Variants in PTP4A1 observed in about 807,000 individuals in gnomAD.
PTP4A1 encodes the protein protein tyrosine phosphatase 4A1.
In PTP4A1, 9 loss-of-function variants were observed where a neutral mutation model predicts 20.5. The ratio of observed to expected loss-of-function variants is 0.44; its 90% CI spans 0.26 to 0.77. PTP4A1 has a LOEUF of 0.77. Among genes scored for constraint, PTP4A1 ranks in the 30% least tolerant of loss-of-function variants. The pLI is 0.19. For synonymous variants in PTP4A1, 78 were observed against 67.4 expected (o/e 1.16, Z -0.77); for missense variants, 137 against 218.8 (o/e 0.63, Z 2.36).
upstream of PTP4A1, among the ~76,000 whole-genome samples, chr6:63,517,038 A>G (rs1774754184): frequency 6.6e-6 from 1 of 152,196 alleles, no homozygotes; most frequent in South Asian, 2.1e-4. Flanking sequence ...CTGTCTGCCA[A>G]ACCTAATTCT....
chr6:63,579,033 A>G lies in PTP4A1; in HGVS notation c.329+5A>G, dbSNP rs767986493. 2.5e-6 allele frequency: 4 copies of G among 1,568,898 alleles called. No individual in the cohort carries two copies. The South Asian group carries it at 3.7e-5, about 14-fold the overall frequency. On this transcript the variant is annotated splice_donor_5th_base_variant and intron_variant, in intron 4 of 5. Transcript: ENST00000626021. ...TTGCGTTGCAGGCCTTGGGAGGTAAATGAATTTATCAATTTGATTCTAGGT... is the reference window on the plus strand; with the variant it reads ...TTGCGTTGCAGGCCTTGGGAGGTAAGTGAATTTATCAATTTGATTCTAGGT...
intron 1 of PTP4A1, among the ~76,000 whole-genome samples, chr6:63,526,175 A>C (rs1775161847): frequency 6.6e-6 from 1 of 152,022 alleles, no homozygotes; most frequent in East Asian, 1.9e-4. Flanking sequence ...AAATACAAAA[A>C]TTAGCTGGGC....
intron 3 of PTP4A1, among the ~76,000 whole-genome samples, chr6:63,557,723 T>C (rs2149493673): frequency 6.6e-6 from 1 of 152,206 alleles, no homozygotes; most frequent in African/African-American, 2.4e-5. Flanking sequence ...GAAAGCATAA[T>C]GGAGTGGAGC....
At chr6:63,533,036 A>T (rs1368482858) in intron 2 of PTP4A1, among the ~76,000 whole-genome samples, 1 of 152,224 alleles carries the variant, frequency 6.6e-6, no homozygotes, top group Non-Finnish European at 1.5e-5. Context: ...TGACAGAGGC[A>T]TCAAAATCTA....
upstream of PTP4A1, among the ~76,000 whole-genome samples, chr6:63,570,293 T>C (rs1777360871): frequency 6.6e-6 from 1 of 152,244 alleles, no homozygotes; most frequent in Non-Finnish European, 1.5e-5. Context: ...ATTGCACCAC[T>C]GTGCTCCAAC....
chr6:63,561,173 A>G (rs1776933460), intron 3 of PTP4A1, among the ~76,000 whole-genome samples: 1 of 152,230 alleles, frequency 6.6e-6, no homozygotes. Flanking sequence ...TGATGGAAGC[A>G]GGGACTCTTG....
chr6:63,557,697 T>A (rs1198590302), intron 3 of PTP4A1, among the ~76,000 whole-genome samples: 1 of 152,144 alleles, frequency 6.6e-6, no homozygotes, highest in Non-Finnish European at 1.5e-5. Context: ...AAATCACAGT[T>A]GGTTTCAAAC....
At chr6:63,531,342 G>A (rs907196490) in intron 2 of PTP4A1, among the ~76,000 whole-genome samples, 5 of 151,900 alleles carry the variant, frequency 3.3e-5, no homozygotes, top group Admixed American at 3.3e-4. Flanking sequence ...CAGTCTGGGG[G>A]TTCTCTTTAA....
upstream of PTP4A1, among the ~76,000 whole-genome samples, chr6:63,520,092 C>A (rs1259781890): frequency 6.6e-6 from 1 of 152,186 alleles, no homozygotes; most frequent in Admixed American, 6.5e-5. Flanking sequence ...ACATAATTAT[C>A]AAACAAAAAC....
At chr6:63,568,390 C>T (rs902289079), upstream of PTP4A1, among the ~76,000 whole-genome samples, 4 of 152,164 alleles carry the variant, frequency 2.6e-5, no homozygotes, top group Admixed American at 6.5e-5. Context: ...GGCCCATCAG[C>T]GGAGCAGTCA....
chr6:63,524,522 T>G (rs561915320), intron 1 of PTP4A1, among the ~76,000 whole-genome samples: 46 of 152,292 alleles, frequency 3.0e-4, no homozygotes, highest in African/African-American at 1.0e-3. Context: ...ATGTATAATT[T>G]TAATTCCTAT....
chr6:63,578,600 A>G, intron 3 of PTP4A1, 71 bp downstream of exon 3: 1 of 1,531,678 alleles, frequency 6.5e-7, no homozygotes, highest in Non-Finnish European at 8.7e-7. Context: ...GTAAATTCAA[A>G]TAAATATCTA....
chr6:63,564,018 T>C (rs1777077222), intron 3 of PTP4A1, among the ~76,000 whole-genome samples: 1 of 152,232 alleles, frequency 6.6e-6, no homozygotes. Flanking sequence ...CTCACGCCTG[T>C]AATCCCAGCA....
In PTP4A1 at chr6:63,582,003, T is replaced by C. The variant is rs1778266990; in HGVS notation, c.*1829T>C. On this transcript the variant is annotated 3_prime_UTR_variant, in exon 6 of 6. Transcript: ENST00000626021. ...GACTCAAAGTTTAAGTAAAAAGTGA[T>C]ACTCCACCTTGTGTTTCAAAGAATT... The C allele has an allele frequency of 6.6e-6, 1 of 152,178 alleles. No individual in the cohort carries two copies. Among genetic ancestry groups the C allele is most frequent in the South Asian group, 2.1e-4 (1 of 4,832 alleles). The allele number at this position is 152,178 out of a possible 1,614,324, so 9.4% of individuals were successfully genotyped here.
chr6:63,560,099 T>C (rs1055828181), intron 3 of PTP4A1, among the ~76,000 whole-genome samples: 1 of 152,140 alleles, frequency 6.6e-6, no homozygotes, highest in African/African-American at 2.4e-5. Context: ...TTTACAATAG[T>C]GCCTCTCAAT....
chr6:63,550,621 T>A (rs545050579), intron 3 of PTP4A1: 2 of 152,572 alleles, frequency 1.3e-5, no homozygotes, highest in Admixed American at 1.3e-4. Context: ...TTTTGGTTGG[T>A]TGGTTGGTTG....
At chr6:63,536,521 C>G (rs956276770) in intron 2 of PTP4A1, among the ~76,000 whole-genome samples, 8 of 152,138 alleles carry the variant, frequency 5.3e-5, no homozygotes, top group Non-Finnish European at 1.2e-4. Context: ...TCAAAAACAT[C>G]TGAACTCAGG....
At chr6:63,548,022 T>C (rs1776280736) in intron 2 of PTP4A1, among the ~76,000 whole-genome samples, 1 of 152,208 alleles carries the variant, frequency 6.6e-6, no homozygotes, top group South Asian at 2.1e-4. Context: ...TAATTCCCTC[T>C]AGGGATTCCC....
chr6:63,571,365 C>T (rs1388472070), upstream of PTP4A1: 1 of 152,176 alleles, frequency 6.6e-6, no homozygotes, highest in Non-Finnish European at 1.5e-5. Context: ...TAGTGGAAAA[C>T]TGAGTTCTTA....
Sources: gnomAD v4.1 joint callset for allele counts (sites outside exome capture counted in the v4.1 genomes callset) on GRCh38, gnomAD v4.1.1 for gene constraint, MANE v1.5 for transcripts, NCBI Gene and HGNC (gene_info 2026-07-23, HGNC 2026-07-21) for gene names.